ZNF507: variants seen among roughly 807,000 people sequenced by gnomAD.
The protein encoded by ZNF507 is zinc finger protein 507.
A neutral mutation model predicts 80.0 loss-of-function variants in ZNF507; 29 were observed. The ratio of observed to expected loss-of-function variants is 0.36; its 90% CI spans 0.27 to 0.49. ZNF507 has a LOEUF of 0.49. Ranked by LOEUF, ZNF507 falls within the 20% of genes least tolerant of loss-of-function variation. The probability of loss-of-function intolerance (pLI) is 0.98; values close to 1 mark genes in which losing one functional copy is unlikely to be tolerated. For synonymous variants in ZNF507, 462 were observed against 422.5 expected (o/e 1.09, Z -1.15); for missense variants, 1,081 against 1,152.2 (o/e 0.94, Z 0.90).
At chr19:32,368,148 C>T (rs1352791603) in intron 5 of ZNF507, among the ~76,000 whole-genome samples, 1 of 152,162 alleles carries the variant, frequency 6.6e-6, no homozygotes, top group Non-Finnish European at 1.5e-5. Flanking sequence ...CTGCTGCATG[C>T]CAGCAGCCCA....
intron 5 of ZNF507, among the ~76,000 whole-genome samples, chr19:32,371,069 C>G (rs1175353924): frequency 6.6e-6 from 1 of 152,202 alleles, no homozygotes; most frequent in East Asian, 1.9e-4. Context: ...GCCATTTATT[C>G]TGTTCCATGG....
Position 32,354,933 on chromosome 19 carries a change from G to A in ZNF507, c.2103G>A (p.Gln701=), listed in dbSNP as rs780581230. ...AGACAAGAATATACCAGTGCAAGCA[G>A]TGTGAAGAATCCTTCCATTATAAGG... The part of the protein sequence containing the change: ...HCKTRIYQCK[Q]CEESFHYKSQ... The change falls in exon 3 of 7, where the codon CAG becomes CAA. Residue 701 remains glutamine, a synonymous_variant. Transcript: ENST00000355898. The A allele has an allele frequency of 1.9e-6, 3 of 1,610,386 alleles. No individual in the cohort carries two copies. Among genetic ancestry groups the A allele is most frequent in the South Asian group, 2.2e-5 (2 of 90,596 alleles).
intron 5 of ZNF507, among the ~76,000 whole-genome samples, chr19:32,367,802 T>C (rs1967418499): frequency 6.6e-6 from 1 of 152,152 alleles, no homozygotes; most frequent in Non-Finnish European, 1.5e-5. Context: ...GGAATGGAAA[T>C]GATAAGGTTG....
chr19:32,370,891 G>T (rs190552366), intron 5 of ZNF507, among the ~76,000 whole-genome samples: 2 of 152,122 alleles, frequency 1.3e-5, no homozygotes, highest in Non-Finnish European at 2.9e-5. Flanking sequence ...CCCATTTTGA[G>T]TTGATTGCTG....
At position 32,383,084 on chromosome 19, in the gene ZNF507, G is replaced by A. The variant is rs200305272; in HGVS notation, c.*1G>A. The A allele has an allele frequency of 8.1e-6, 13 of 1,607,964 alleles. No homozygotes were observed. Among genetic ancestry groups the A allele is most frequent in the Admixed American group, 1.7e-5 (1 of 59,820 alleles). On this transcript the variant is annotated 3_prime_UTR_variant, in exon 7 of 7. Coordinates refer to ENST00000355898, the MANE Select transcript of ZNF507 (RefSeq NM_001136156.2). ...CAATACAGCTCTAAACACAAATTAG[G>A]TGGAATAATGACTCGAGCAGGAAAG...
At chr19:32,346,303 A>C (rs1967097051) in intron 1 of ZNF507, among the ~76,000 whole-genome samples, 1 of 152,300 alleles carries the variant, frequency 6.6e-6, no homozygotes, top group South Asian at 2.1e-4. Context: ...CACGGAGACC[A>C]TCAGGGAAAG....
chr19:32,368,181 G>A (rs1201767913), intron 5 of ZNF507, among the ~76,000 whole-genome samples: 2 of 152,210 alleles, frequency 1.3e-5, no homozygotes, highest in Non-Finnish European at 2.9e-5. Context: ...GTGTGAAACA[G>A]AAGCAATTTC....
rs765381045 is a variant in ZNF507, at chr19:32,353,316, T to C, written c.486T>C (p.Ile162=). 6.2e-7 allele frequency: 1 copy of C among 1,614,260 alleles called. No individual in the cohort carries two copies. The highest frequency in any genetic ancestry group is 8.5e-7 in the Non-Finnish European group (1 of 1,180,050). Residue 162 remains isoleucine, a synonymous_variant, in exon 3 of 7, where the codon ATT becomes ATC. Coordinates refer to ENST00000355898, the MANE Select transcript of ZNF507 (RefSeq NM_001136156.2). ...EVILMCSECH[I]TSRSQEELEA... Reference sequence around the variant, plus strand: ...TACTGATGTGCTCAGAGTGCCATATTACATCTAGAAGCCAGGAGGAACTTG... The same window carrying C: ...TACTGATGTGCTCAGAGTGCCATATCACATCTAGAAGCCAGGAGGAACTTG...
intron 5 of ZNF507, among the ~76,000 whole-genome samples, chr19:32,372,973 G>GAAGT (rs35985101): frequency 3.9e-5 from 6 of 152,338 alleles, no homozygotes; most frequent in Non-Finnish European, 8.8e-5. Flanking sequence ...TGGAGGCTGG[G>GAAGT]AAGTCCAAGC....
At chr19:32,348,135 A>G (rs1294813625) in intron 2 of ZNF507, among the ~76,000 whole-genome samples, 1 of 152,184 alleles carries the variant, frequency 6.6e-6, no homozygotes, top group Non-Finnish European at 1.5e-5. Context: ...TCACAGAGAC[A>G]GTGACTTGCC....
At position 32,354,218 on chromosome 19, in the gene ZNF507, A is replaced by G; in HGVS notation, c.1388A>G (p.Lys463Arg). ...GLIIGWSSSE[K>R]KDELMNKGLA... ...ATCATAGGCTGGAGCAGTTCAGAGAAAAAAGACGAGTTAATGAATAAAGGC... is the reference window on the plus strand; with the variant it reads ...ATCATAGGCTGGAGCAGTTCAGAGAGAAAAGACGAGTTAATGAATAAAGGC... Residue 463 changes from lysine (K) to arginine (R), a missense_variant, in exon 3 of 7, where the codon AAA (lysine) becomes AGA (arginine). Physicochemically the swap from Lys to Arg is conservative, Grantham distance 26. Coordinates refer to ENST00000355898, the MANE Select transcript of ZNF507 (RefSeq NM_001136156.2). The G allele has an allele frequency of 6.2e-7, 1 of 1,613,994 alleles. No individual in the cohort carries two copies.
intron 4 of ZNF507, among the ~76,000 whole-genome samples, chr19:32,360,229 G>A (rs1014130048): frequency 6.6e-6 from 1 of 152,176 alleles, no homozygotes; most frequent in African/African-American, 2.4e-5. Flanking sequence ...CCAGAAGCAA[G>A]TTCATTATGA....
intron 5 of ZNF507, among the ~76,000 whole-genome samples, chr19:32,361,699 CCTTTCCTTCCTTCCTTTCCTTT>C (rs1448847023): frequency 3.1e-4 from 12 of 38,996 alleles, no homozygotes; most frequent in Admixed American, 9.2e-4. Context: ...TCCTTTCCTT[CCTTTCCTTCCTTCCTTTCCTTT>C]CTTCCTTTCC....
chr19:32,365,499 G>T (rs1384186416), intron 5 of ZNF507, among the ~76,000 whole-genome samples: 1 of 152,118 alleles, frequency 6.6e-6, no homozygotes, highest in African/African-American at 2.4e-5. Flanking sequence ...TCCATCTTGA[G>T]TTGATTTTTG....
In ZNF507 at chr19:32,354,965, T is replaced by C. The variant is rs776757627; in HGVS notation, c.2127+8T>C. 6.3e-7 allele frequency: 1 copy of C among 1,587,348 alleles called. No homozygotes were observed. Among genetic ancestry groups the C allele is most frequent in the Non-Finnish European group, 8.6e-7 (1 of 1,166,352 alleles). ...GAATCCTTCCATTATAAGGTAAGCATTGGTTCAGGAAGTCTTTCAGAGGAC... is the reference window on the plus strand; with the variant it reads ...GAATCCTTCCATTATAAGGTAAGCACTGGTTCAGGAAGTCTTTCAGAGGAC... On this transcript the variant is annotated splice_region_variant and intron_variant, in intron 3 of 6. Coordinates refer to ENST00000355898, the MANE Select transcript of ZNF507 (RefSeq NM_001136156.2).
intron 3 of ZNF507, among the ~76,000 whole-genome samples, chr19:32,355,458 C>T (rs1187248436): frequency 6.6e-6 from 1 of 152,114 alleles, no homozygotes; most frequent in Non-Finnish European, 1.5e-5. Context: ...TTAAAAGGTA[C>T]TGTCATGGAA....
intron 2 of ZNF507, among the ~76,000 whole-genome samples, chr19:32,351,053 C>T (rs963780031): frequency 1.3e-5 from 2 of 152,174 alleles, no homozygotes; most frequent in African/African-American, 2.4e-5. Context: ...GACTTTTGTT[C>T]CTTCTACCTG....
intron 2 of ZNF507, among the ~76,000 whole-genome samples, chr19:32,351,291 T>C (rs1453768917): frequency 6.6e-6 from 1 of 151,882 alleles, no homozygotes; most frequent in Admixed American, 6.6e-5. Flanking sequence ...AAGAGTAAAG[T>C]GTTTGCATTT....
Position 32,364,744 on chromosome 19 carries a change from C to T in ZNF507, c.2360+4126C>T, listed in dbSNP as rs373185001. Among the ~76,000 whole-genome samples the T allele has an allele frequency of 5.3e-5, 8 of 152,178 alleles. No individual in the cohort carries two copies. In the South Asian group the frequency reaches 1.5e-3, roughly 28 times the overall value. On this transcript the variant is annotated intron_variant, in intron 5 of 6. Transcript: ENST00000355898. Reference sequence around the variant, plus strand: ...CTTTATCCACTCGTTGATTGATGGGCATTTGGGTTGGTTCCACGATTTTGC... The same window carrying T: ...CTTTATCCACTCGTTGATTGATGGGTATTTGGGTTGGTTCCACGATTTTGC...
Sources: gnomAD v4.1 joint callset for allele counts (sites outside exome capture counted in the v4.1 genomes callset) on GRCh38, gnomAD v4.1.1 for gene constraint, MANE v1.5 for transcripts, NCBI Gene and HGNC (gene_info 2026-07-23, HGNC 2026-07-21) for gene names.